Variants in CD200 observed in about 807,000 individuals in gnomAD.
CD200 encodes the protein OX-2 membrane glycoprotein.
Under a neutral mutation model 30.9 loss-of-function variants are expected in CD200, and 15 were observed. The observed-to-expected ratio is 0.49, with a 90% CI of 0.32 to 0.75. The LOEUF is 0.75. CD200 is among the 30% of genes least tolerant of loss of function. The pLI, the probability that CD200 is intolerant of heterozygous loss-of-function variation, is 0.03. For missense variants in CD200, 262 were observed against 324.2 expected (o/e 0.81, Z 1.47); for synonymous variants, 134 against 126.2 (o/e 1.06, Z -0.41).
At chr3:112,355,163 A>G (rs1227516802) in intron 5 of CD200, among the ~76,000 whole-genome samples, 1 of 152,082 alleles carries the variant, frequency 6.6e-6, no homozygotes, top group African/African-American at 2.4e-5. Context: ...ACTTAGAGGG[A>G]CAGCTGTTTA....
At chr3:112,346,118 T>C (rs1559786179) in intron 3 of CD200, among the ~76,000 whole-genome samples, 1 of 151,502 alleles carries the variant, frequency 6.6e-6, no homozygotes, top group African/African-American at 2.4e-5. Flanking sequence ...GATAGGACAA[T>C]GCCAAAAGAA....
rs2081749744 is a variant in CD200, at chr3:112,361,931, T to G, written c.*381T>G. 1 of 209,772 alleles carries G rather than the reference T, an allele frequency of 4.8e-6. No homozygotes were observed. The highest frequency in any genetic ancestry group is 9.4e-6 in the Non-Finnish European group (1 of 106,502). The allele number at this position is 209,772 out of a possible 1,614,324, so 13.0% of individuals were successfully genotyped here. A position where few individuals can be genotyped will look rare whatever the true frequency, so the allele number is the denominator to read the frequency against. ...GTATAAAGGAATTGGACCAAATAAT[T>G]TACCACATAGCTCTAAAACTTAATT... On this transcript the variant is annotated 3_prime_UTR_variant, in exon 6 of 6. Coordinates refer to ENST00000315711, the MANE Select transcript of CD200 (RefSeq NM_005944.7).
intron 5 of CD200, among the ~76,000 whole-genome samples, chr3:112,354,366 T>C (rs944792604): frequency 1.3e-5 from 2 of 152,138 alleles, no homozygotes; most frequent in Non-Finnish European, 2.9e-5. Context: ...GATGAGAAAA[T>C]CTACCAGCTG....
intron 5 of CD200, among the ~76,000 whole-genome samples, chr3:112,361,149 G>A (rs571524439): frequency 5.9e-5 from 9 of 152,136 alleles, no homozygotes; most frequent in African/African-American, 1.7e-4. Context: ...TTATCCTCAC[G>A]CCTCAGCCTC....
At chr3:112,344,744 GT>G (rs1654569747) in intron 2 of CD200, among the ~76,000 whole-genome samples, 1 of 152,126 alleles carries the variant, frequency 6.6e-6, no homozygotes, top group East Asian at 1.9e-4. Flanking sequence ...TTGCTCTCTT[GT>G]TTTTCTACTC....
chr3:112,335,565 G>A (rs2081094517), intron 1 of CD200, among the ~76,000 whole-genome samples: 1 of 152,166 alleles, frequency 6.6e-6, no homozygotes, highest in African/African-American at 2.4e-5. Context: ...GCCACTGCAT[G>A]GGGTCCAGGA....
At chr3:112,343,577 T>A (rs2081317403) in intron 2 of CD200, among the ~76,000 whole-genome samples, 1 of 152,218 alleles carries the variant, frequency 6.6e-6, no homozygotes, top group African/African-American at 2.4e-5. Flanking sequence ...GCACCAGGAT[T>A]ACAGGCATCA....
intron 5 of CD200, among the ~76,000 whole-genome samples, chr3:112,351,396 T>A (rs1198417341): frequency 4.6e-5 from 7 of 152,214 alleles, no homozygotes; most frequent in Non-Finnish European, 8.8e-5. Context: ...GGCAAAAGTT[T>A]TATAATGCAA....
rs1043099493 is a variant in CD200, at chr3:112,333,211, G to A, written c.-2G>A. On this transcript the variant is annotated 5_prime_UTR_variant, in exon 1 of 6. Transcript: ENST00000315711. ...ACCTCGCGCGCGCCTCCAGGAGCAA[G>A]GATGGAGAGGCTGGTGAGCGGGGCC... 1.3e-6 allele frequency: 2 copies of A among 1,550,126 alleles called. No individual in the cohort carries two copies. Among genetic ancestry groups the A allele is most frequent in the African/African-American group, 1.4e-5 (1 of 72,974 alleles).
In CD200 at chr3:112,345,034, C is replaced by A; in HGVS notation, c.167C>A (p.Ala56Asp). ...PASLKCSLQN[A>D]QEALIVTWQK... Reference sequence around the variant, plus strand: ...TCCTTAAAATGCTCTCTGCAAAATGCCCAGGAAGCCCTCATTGTGACATGG... The same window carrying A: ...TCCTTAAAATGCTCTCTGCAAAATGACCAGGAAGCCCTCATTGTGACATGG... Residue 56 changes from alanine to aspartate, a missense_variant, in exon 3 of 6, where the codon GCC becomes GAC. Physicochemically the swap from Ala to Asp is moderately radical, Grantham distance 126. Coordinates refer to ENST00000315711, the MANE Select transcript of CD200 (RefSeq NM_005944.7). The A allele has an allele frequency of 6.2e-7, 1 of 1,614,020 alleles. No individual in the cohort carries two copies. The highest frequency in any genetic ancestry group is 8.5e-7 in the Non-Finnish European group (1 of 1,179,956).
chr3:112,349,953 A>G, intron 5 of CD200, 134 bp downstream of exon 5: 3 of 1,336,732 alleles, frequency 2.2e-6, no homozygotes, highest in Non-Finnish European at 2.9e-6. Flanking sequence ...AAATACAGAA[A>G]TGTTGATACT....
At chr3:112,356,130 A>G (rs9863371) in intron 5 of CD200, among the ~76,000 whole-genome samples, 32,211 of 152,076 alleles carry the variant, frequency 0.21, 3,700 homozygotes, top group East Asian at 0.49. Context: ...TATTCAAACT[A>G]GATAGAATTT....
intron 1 of CD200, chr3:112,333,636 T>A: frequency 1.0e-6 from 1 of 985,426 alleles, no homozygotes; most frequent in Non-Finnish European, 1.2e-6. Context: ...AGAGAAATGC[T>A]GTATTGGTTC....
intron 5 of CD200, among the ~76,000 whole-genome samples, chr3:112,361,011 A>C (rs962067088): frequency 2.6e-5 from 4 of 151,854 alleles, no homozygotes; most frequent in Admixed American, 2.6e-4. Flanking sequence ...TTTTTGCTTC[A>C]GTTTTGTTTT....
chr3:112,340,529 T>C (rs2081214667), intron 1 of CD200, among the ~76,000 whole-genome samples: 1 of 152,224 alleles, frequency 6.6e-6, no homozygotes, highest in Non-Finnish European at 1.5e-5. Flanking sequence ...ACATGGATTT[T>C]TTGGGAAGTG....
intron 1 of CD200, chr3:112,333,973 G>T: frequency 2.0e-6 from 2 of 985,184 alleles, no homozygotes; most frequent in Non-Finnish European, 2.4e-6. Context: ...ATTGGTATAA[G>T]AATCCAAATA....
chr3:112,361,809 G>T lies in CD200; in HGVS notation c.*259G>T. The stretch of plus-strand genomic sequence containing the variant: ...CAATGCCATGTTATGTGGTTGAAAG[G>T]GCACTGGACTTAGTTAGTATCAGGA... On this transcript the variant is annotated 3_prime_UTR_variant, in exon 6 of 6. Coordinates refer to ENST00000315711, the MANE Select transcript of CD200 (RefSeq NM_005944.7). 1 of 552,640 alleles carries T rather than the reference G, an allele frequency of 1.8e-6. No homozygotes were observed. The highest frequency in any genetic ancestry group is 1.9e-5 in the African/African-American group (1 of 52,596). The allele number at this position is 552,640 out of a possible 1,614,324, so 34.2% of individuals were successfully genotyped here.
rs143675606 is a variant in CD200 at position 112,358,729 on chromosome 3, G to T, written c.803-2814G>T. On this transcript the variant is annotated intron_variant, in intron 5 of 5. Coordinates refer to ENST00000315711, the MANE Select transcript of CD200 (RefSeq NM_005944.7). Reference sequence around the variant, plus strand: ...AGGTTCCCCATCAGCACTGATTCATGAGTTTTGCATCTAGTTTCTCCTGTC... The same window carrying T: ...AGGTTCCCCATCAGCACTGATTCATTAGTTTTGCATCTAGTTTCTCCTGTC... Among the ~76,000 whole-genome samples the T allele has an allele frequency of 4.6e-5, 7 of 152,222 alleles. No individual in the cohort carries two copies. The East Asian group carries it at 1.4e-3, about 29-fold the overall frequency.
At chr3:112,333,963 A>T (rs2081056244) in intron 1 of CD200, 1 of 984,784 alleles carries the variant, frequency 1.0e-6, no homozygotes, top group South Asian at 4.7e-5. Context: ...ATACAATGGT[A>T]TTGGTATAAG....
Sources: gnomAD v4.1 joint callset for allele counts (sites outside exome capture counted in the v4.1 genomes callset) on GRCh38, gnomAD v4.1.1 for gene constraint, MANE v1.5 for transcripts, NCBI Gene and HGNC (gene_info 2026-07-23, HGNC 2026-07-21) for gene names.